Variants in CCDC34 observed in about 807,000 individuals in gnomAD.
CCDC34 encodes the protein coiled-coil domain containing 34.
Under a neutral mutation model 44.1 loss-of-function variants are expected in CCDC34, and 40 were observed. That is an observed-to-expected ratio of 0.91 (90% CI 0.70 to 1.18). The LOEUF is 1.18. Ranked by LOEUF, CCDC34 falls within the 50% of genes most tolerant of loss-of-function variation. CCDC34 has a pLI of 0.00. For synonymous variants in CCDC34, 159 were observed against 158.2 expected (o/e 1.01, Z -0.04); for missense variants, 466 against 452.3 (o/e 1.03, Z -0.28).
chr11:27,343,127 A>G (rs916729587), intron 3 of CCDC34, among the ~76,000 whole-genome samples: 2 of 152,170 alleles, frequency 1.3e-5, no homozygotes, highest in South Asian at 4.1e-4. Flanking sequence ...CAGGATGGGC[A>G]TGGTCGTTCA....
chr11:27,357,382 A>G (rs775593174), intron 2 of CCDC34, 21 bp downstream of exon 2: 40 of 1,599,350 alleles, frequency 2.5e-5, no homozygotes, highest in Non-Finnish European at 3.4e-5. Flanking sequence ...ATTAAATAAA[A>G]AGAACACTGT....
chr11:27,360,385 A>C (rs1439332527), intron 1 of CCDC34, among the ~76,000 whole-genome samples: 3 of 152,224 alleles, frequency 2.0e-5, no homozygotes, highest in Non-Finnish European at 1.5e-5. Context: ...CACTATTTAT[A>C]CCAAAAATAC....
chr11:27,349,935 T>C (rs1259450366), intron 3 of CCDC34: 3 of 1,048,566 alleles, frequency 2.9e-6, no homozygotes, highest in Non-Finnish European at 3.4e-6. Flanking sequence ...AGAAGAATTC[T>C]AATTAAGCCT....
Position 27,340,706 on chromosome 11 carries a change from T to C in CCDC34, c.897A>G (p.Gly299=). The change falls in exon 5 of 6, where the codon GGA becomes GGG. Residue 299 remains glycine (G), a synonymous_variant. Coordinates refer to ENST00000328697, the MANE Select transcript of CCDC34 (RefSeq NM_030771.2). ...AACATAAAAACCAACCTGTAAGTTT[T>C]CCATTGGCATAACCATAGCTCTTTG... ...PAAKSYGYAN[G]KLTGFYSGNS... The C allele has an allele frequency of 1.9e-6, 3 of 1,607,020 alleles. No individual in the cohort carries two copies. Among genetic ancestry groups the C allele is most frequent in the Non-Finnish European group, 2.5e-6 (3 of 1,177,400 alleles).
At chr11:27,342,813 C>T (rs1862380392) in intron 3 of CCDC34, among the ~76,000 whole-genome samples, 1 of 152,054 alleles carries the variant, frequency 6.6e-6, no homozygotes, top group Non-Finnish European at 1.5e-5. Context: ...AATATTTTTT[C>T]CTCCTTATTT....
intron 3 of CCDC34, among the ~76,000 whole-genome samples, chr11:27,348,122 G>C (rs1051345370): frequency 6.6e-6 from 1 of 152,024 alleles, no homozygotes; most frequent in Non-Finnish European, 1.5e-5. Flanking sequence ...GCTGCACCGA[G>C]AGAACCTTTG....
chr11:27,345,096 A>C (rs1862414799), intron 3 of CCDC34, among the ~76,000 whole-genome samples: 1 of 152,168 alleles, frequency 6.6e-6, no homozygotes, highest in African/African-American at 2.4e-5. Flanking sequence ...TAGGGAAAAG[A>C]TTATCTTGTC....
chr11:27,362,775 A>G, intron 1 of CCDC34, 61 bp downstream of exon 1: 1 of 1,550,784 alleles, frequency 6.4e-7, no homozygotes, highest in Non-Finnish European at 8.8e-7. Flanking sequence ...AGAAGGGGGT[A>G]CTTAAGAGGG....
intron 1 of CCDC34, among the ~76,000 whole-genome samples, chr11:27,359,970 C>G (rs1862638982): frequency 6.6e-6 from 1 of 152,098 alleles, no homozygotes; most frequent in Admixed American, 6.5e-5. Flanking sequence ...ATTTCAAGAG[C>G]CTGGCTTAGG....
intron 2 of CCDC34, among the ~76,000 whole-genome samples, chr11:27,355,915 G>A (rs1862568219): frequency 6.6e-6 from 1 of 150,936 alleles, no homozygotes; most frequent in African/African-American, 2.4e-5. Flanking sequence ...ACATGTGACT[G>A]CTTGCCTGGT....
chr11:27,354,419 T>C (rs1252649300), intron 2 of CCDC34, among the ~76,000 whole-genome samples: 1 of 152,220 alleles, frequency 6.6e-6, no homozygotes, highest in Non-Finnish European at 1.5e-5. Context: ...TTTGTACATA[T>C]TAGTCCATAT....
intron 1 of CCDC34, among the ~76,000 whole-genome samples, chr11:27,360,062 T>G (rs977913871): frequency 6.6e-6 from 1 of 152,218 alleles, no homozygotes; most frequent in African/African-American, 2.4e-5. Flanking sequence ...AAATGACACT[T>G]TGAATATTAA....
intron 3 of CCDC34, among the ~76,000 whole-genome samples, chr11:27,347,574 A>C (rs781477914): frequency 2.2e-4 from 34 of 152,216 alleles, no homozygotes; most frequent in Admixed American, 5.2e-4. Context: ...ATAAAAAGGA[A>C]TAATACATGA....
intron 2 of CCDC34, among the ~76,000 whole-genome samples, chr11:27,350,784 CT>C (rs35434733): frequency 8.7e-5 from 13 of 149,802 alleles, no homozygotes; most frequent in African/African-American, 1.5e-4. Context: ...AGAATTGCAA[CT>C]TTTTTTTTTA....
intron 3 of CCDC34, chr11:27,349,123 GAAGAT>G: frequency 1.0e-6 from 1 of 983,498 alleles, no homozygotes; most frequent in South Asian, 4.7e-5. Flanking sequence ...AATGGAGTTA[GAAGAT>G]AAGAAGGACT....
intron 3 of CCDC34, among the ~76,000 whole-genome samples, chr11:27,345,962 T>C (rs1448266665): frequency 6.6e-6 from 1 of 152,134 alleles, no homozygotes; most frequent in African/African-American, 2.4e-5. Context: ...TTCCTGACTT[T>C]TTAATGATTG....
Position 27,338,638 on chromosome 11 carries a change from G to C in CCDC34, c.*183C>G, listed in dbSNP as rs1326002616. 1 of 556,132 alleles carries C rather than the reference G, an allele frequency of 1.8e-6. No individual in the cohort carries two copies. Among genetic ancestry groups the C allele is most frequent in the East Asian group, 3.2e-5 (1 of 31,324 alleles). 34.4% of individuals were successfully genotyped at this position (556,132 alleles called of 1,614,324 possible). ...AACATGCCAAGATCAACCTTAAAAA[G>C]TTTATAAAAACCAAAATCCAGAAAA... On this transcript the variant is annotated 3_prime_UTR_variant, in exon 6 of 6. Coordinates refer to ENST00000328697, the MANE Select transcript of CCDC34 (RefSeq NM_030771.2).
intron 1 of CCDC34, among the ~76,000 whole-genome samples, chr11:27,362,090 G>A (rs999641333): frequency 3.3e-5 from 5 of 152,156 alleles, no homozygotes; most frequent in Admixed American, 2.0e-4. Context: ...TCTGAGCCAT[G>A]GTTTTATTAT....
At chr11:27,350,269 A>G (rs763228021) in intron 3 of CCDC34, 63 bp downstream of exon 3, 2 of 1,602,498 alleles carry the variant, frequency 1.2e-6, no homozygotes, top group Non-Finnish European at 1.7e-6. Flanking sequence ...GTAATGAAGT[A>G]TAATAGGAAG....
Sources: allele counts gnomAD v4.1 joint callset (sites outside exome capture counted in the v4.1 genomes callset), GRCh38; gene constraint gnomAD v4.1.1; transcripts MANE v1.5; gene names NCBI Gene and HGNC (gene_info 2026-07-23, HGNC 2026-07-21).